NKAIN1: variants seen among roughly 807,000 people sequenced by gnomAD.
NKAIN1 encodes sodium/potassium transporting ATPase interacting 1.
In NKAIN1, 13 loss-of-function variants were observed where a neutral mutation model predicts 31.6. That is an observed-to-expected ratio of 0.41 (90% confidence interval 0.27 to 0.65). The LOEUF is 0.65. Among genes scored for constraint, NKAIN1 ranks in the 30% least tolerant of loss-of-function variants. The pLI, the probability that NKAIN1 is intolerant of heterozygous loss-of-function variation, is 0.30. For missense variants in NKAIN1, 193 were observed against 262.2 expected, an observed-to-expected ratio of 0.74 and a Z score of 1.82; for synonymous variants, 104 against 109.0, an observed-to-expected ratio of 0.95 and a Z score of 0.28.
At chr1:31,196,126 C>T (rs1645324587) in intron 1 of NKAIN1, among the ~76,000 whole-genome samples, 1 of 152,022 alleles carries the variant, frequency 6.6e-6, no homozygotes, top group African/African-American at 2.4e-5. Context: ...GGCCTGTAAT[C>T]CCAGCACTTT....
At chr1:31,222,494 C>G (rs1385556868) in intron 1 of NKAIN1, among the ~76,000 whole-genome samples, 6 of 152,214 alleles carry the variant, frequency 3.9e-5, no homozygotes, top group Non-Finnish European at 8.8e-5. Context: ...TTTGCCAAGG[C>G]AGGGTATGGA....
At position 31,228,662 on chromosome 1, in the gene NKAIN1, C is replaced by T. The variant is rs556000956; in HGVS notation, c.54+10832G>A. 2.6e-5 allele frequency among the ~76,000 whole-genome samples: 4 copies of T among 152,150 alleles called. No individual in the cohort carries two copies. The South Asian group carries it at 6.2e-4, about 24-fold the overall frequency. ...AGGCTGGAGTACAGCGGCATGATCT[C>T]GGCTCACTGCACACTTGACCTCCTG... On this transcript the variant is annotated intron_variant, in intron 1 of 6. Coordinates refer to ENST00000373736, the MANE Select transcript of NKAIN1 (RefSeq NM_024522.3).
intron 1 of NKAIN1, among the ~76,000 whole-genome samples, chr1:31,210,034 T>C (rs1315958203): frequency 6.6e-6 from 1 of 150,962 alleles, no homozygotes; most frequent in African/African-American, 2.4e-5. Flanking sequence ...TCACAATGGC[T>C]GATCCAGCAT....
chr1:31,197,738 G>A (rs548283633), intron 1 of NKAIN1, among the ~76,000 whole-genome samples: 1 of 150,962 alleles, frequency 6.6e-6, no homozygotes, highest in African/African-American at 2.4e-5. Flanking sequence ...GTAGAGATGG[G>A]GTTTCACCAT....
chr1:31,196,543 C>T lies in NKAIN1; in HGVS notation c.55-8356G>A, dbSNP rs145304771. On this transcript the variant is annotated intron_variant, in intron 1 of 6. Coordinates refer to ENST00000373736, the MANE Select transcript of NKAIN1 (RefSeq NM_024522.3). Reference sequence around the variant, plus strand: ...AAAAAAAAAAAATAGAAAAATTAGCCGGGCATGGTGGTGGGCAACTGTAAT... The same window carrying T: ...AAAAAAAAAAAATAGAAAAATTAGCTGGGCATGGTGGTGGGCAACTGTAAT... Among the ~76,000 whole-genome samples, 588 of 135,956 alleles carry T rather than the reference C, an allele frequency of 4.3e-3. 34 individuals are homozygous for T. The East Asian group carries it at 0.097, about 22-fold the overall frequency. 89.2% of individuals were successfully genotyped at this position (135,956 alleles called of 152,430 possible). A position where few individuals can be genotyped will look rare whatever the true frequency, so the allele number is the denominator to read the frequency against.
Position 31,227,455 on chromosome 1 carries a change from G to A in NKAIN1, c.54+12039C>T, listed in dbSNP as rs915625559. ...TCAGATTCTGCTTCGGTGAAATAGA[G>A]GTAGTAGCTGTGCCCACCCCACAGG... is the stretch of plus-strand genomic sequence containing the variant. On this transcript the variant is annotated intron_variant, in intron 1 of 6. Coordinates refer to ENST00000373736, the MANE Select transcript of NKAIN1 (RefSeq NM_024522.3). Among the ~76,000 whole-genome samples the A allele has an allele frequency of 7.9e-5, 12 of 152,204 alleles. No homozygotes were observed. In the East Asian group the frequency reaches 2.1e-3, roughly 27 times the overall value.
At chr1:31,221,611 T>C (rs1327824569) in intron 1 of NKAIN1, among the ~76,000 whole-genome samples, 2 of 151,946 alleles carry the variant, frequency 1.3e-5, no homozygotes, top group Non-Finnish European at 2.9e-5. Flanking sequence ...AATTTTTGTA[T>C]TTTTAGTAGA....
chr1:31,206,249 T>TAAATAAATAAATAAATAAATAAATAAATA (rs1645422960), intron 1 of NKAIN1, among the ~76,000 whole-genome samples: 7 of 71,604 alleles, frequency 9.8e-5, no homozygotes. Context: ...AATAAATAAA[T>TAAATAAATAAATAAATAAATAAATAAATA]AAATAAAATA....
intron 1 of NKAIN1, among the ~76,000 whole-genome samples, chr1:31,227,250 A>G (rs1413080042): frequency 2.0e-5 from 3 of 152,210 alleles, no homozygotes; most frequent in Non-Finnish European, 2.9e-5. Flanking sequence ...AAGTGACTTC[A>G]GTTCTCTGAG....
At chr1:31,201,803 G>C (rs962120008) in intron 1 of NKAIN1, among the ~76,000 whole-genome samples, 1 of 152,198 alleles carries the variant, frequency 6.6e-6, no homozygotes, top group East Asian at 1.9e-4. Flanking sequence ...GGTGCTCTTT[G>C]AGATTTGGCC....
At chr1:31,232,089 C>A (rs12691485) in intron 1 of NKAIN1, among the ~76,000 whole-genome samples, 2 of 118,180 alleles carry the variant, frequency 1.7e-5, no homozygotes, top group Admixed American at 8.1e-5. Flanking sequence ...AAGTTTTTAC[C>A]TTTTTGTTTT....
At chr1:31,196,512 C>CAAAAAAAAAA (rs58194598) in intron 1 of NKAIN1, among the ~76,000 whole-genome samples, 11 of 91,362 alleles carry the variant, frequency 1.2e-4, no homozygotes, top group Non-Finnish European at 1.9e-4. Flanking sequence ...GACTCCTACT[C>CAAAAAAAAAA]AAAAAAAAAA....
Position 31,239,837 on chromosome 1 carries a change from C to G in NKAIN1, c.-290G>C, listed in dbSNP as rs1003566650. Among the ~76,000 whole-genome samples, 4 of 151,864 alleles carry G rather than the reference C, an allele frequency of 2.6e-5. No individual in the cohort carries two copies. Among genetic ancestry groups the G allele is most frequent in the Admixed American group, 6.6e-5 (1 of 15,252 alleles). On this transcript the variant is annotated 5_prime_UTR_variant, in exon 1 of 7. Transcript: ENST00000373736. This position sits in a 1 kb window ranked among gnomAD's most constrained non-coding sequence, Gnocchi z 4.8. ...CTGCCCCGGGGCGGCTGGCGGGGAG[C>G]GCGGAGCAAGGAGAGCGAGCCCCGA...
chr1:31,229,532 G>A (rs1645630717), intron 1 of NKAIN1, among the ~76,000 whole-genome samples: 1 of 152,118 alleles, frequency 6.6e-6, no homozygotes, highest in African/African-American at 2.4e-5. Context: ...ACCATGCCCA[G>A]CTAATCTTTT....
At chr1:31,203,981 T>A (rs1645404291) in intron 1 of NKAIN1, among the ~76,000 whole-genome samples, 1 of 152,132 alleles carries the variant, frequency 6.6e-6, no homozygotes, top group Non-Finnish European at 1.5e-5. Context: ...AGACTGTGGG[T>A]GACCCTGAGC....
At chr1:31,218,987 G>A (rs538973407) in intron 1 of NKAIN1, among the ~76,000 whole-genome samples, 1 of 152,364 alleles carries the variant, frequency 6.6e-6, no homozygotes, top group Non-Finnish European at 1.5e-5. Flanking sequence ...ACCCAGGGGA[G>A]CCCTGGCCTG....
At chr1:31,237,423 C>T (rs1007013) in intron 1 of NKAIN1, among the ~76,000 whole-genome samples, 82,833 of 151,786 alleles carry the variant, frequency 0.55, 23,596 homozygotes, top group Non-Finnish European at 0.63. Flanking sequence ...CCGTTATTAT[C>T]GCCAACAGAG....
intron 1 of NKAIN1, among the ~76,000 whole-genome samples, chr1:31,223,095 G>C (rs747016863): frequency 6.6e-6 from 1 of 152,074 alleles, no homozygotes; most frequent in Non-Finnish European, 1.5e-5. Flanking sequence ...CTCCATAAAC[G>C]GCCAGGCGCG....
intron 2 of NKAIN1, among the ~76,000 whole-genome samples, chr1:31,187,754 G>A (rs1645255485): frequency 6.6e-6 from 1 of 152,010 alleles, no homozygotes; most frequent in African/African-American, 2.4e-5. Context: ...GTAGACATGA[G>A]ATGAAGCATG....
Sources: gnomAD v4.1 joint callset for allele counts (sites outside exome capture counted in the v4.1 genomes callset) on GRCh38, gnomAD v4.1.1 for gene constraint, Gnocchi (gnomAD v3.1) non-coding constraint, MANE v1.5 for transcripts, NCBI Gene and HGNC (gene_info 2026-07-23, HGNC 2026-07-21) for gene names.